The following C2orf76 variants were observed in gnomAD, a reference collection of about 807,000 sequenced individuals.
C2orf76 encodes chromosome 2 open reading frame 76.
C2orf76 carries 23 observed loss-of-function variants against 16.9 expected under a neutral mutation model. The ratio of observed to expected loss-of-function variants is 1.36; its 90% confidence interval spans 0.98 to 1.93. The LOEUF (loss-of-function observed/expected upper bound fraction) is 1.93, where lower values mean the gene tolerates loss of function less well. Among genes scored for constraint, C2orf76 ranks in the 30% most tolerant of loss-of-function variants. C2orf76 has a pLI of 0.00. For missense variants in C2orf76, 152 were observed against 152.6 expected, an observed-to-expected ratio of 1.00 and a Z score of 0.02; for synonymous variants, 48 against 52.3, an observed-to-expected ratio of 0.92 and a Z score of 0.35.
chr2:119,344,420 A>G (rs1408386132), intron 1 of C2orf76, among the ~76,000 whole-genome samples: 1 of 152,252 alleles, frequency 6.6e-6, no homozygotes, highest in African/African-American at 2.4e-5. Context: ...AATAAACTTC[A>G]GGATAAATTA....
At chr2:119,353,270 T>C (rs1045921953) in intron 1 of C2orf76, among the ~76,000 whole-genome samples, 3 of 152,204 alleles carry the variant, frequency 2.0e-5, no homozygotes, top group Admixed American at 2.0e-4. Flanking sequence ...AGTAGATGAA[T>C]GATAAATGCT....
At chr2:119,356,181 T>A (rs1680565223) in intron 1 of C2orf76, among the ~76,000 whole-genome samples, 1 of 152,032 alleles carries the variant, frequency 6.6e-6, no homozygotes, top group Admixed American at 6.6e-5. Flanking sequence ...GGTGGGCAGA[T>A]CACTTGAGGT....
chr2:119,327,090 T>A (rs920403318), intron 2 of C2orf76, among the ~76,000 whole-genome samples: 1 of 152,182 alleles, frequency 6.6e-6, no homozygotes, highest in African/African-American at 2.4e-5. Flanking sequence ...TCCAGTACAA[T>A]GTTGAATAGC....
chr2:119,367,012 T>A (rs756913547), upstream of C2orf76: 28 of 1,613,664 alleles, frequency 1.7e-5, no homozygotes, highest in African/African-American at 1.3e-5. Flanking sequence ...GGTCCTCGCC[T>A]CCTCCGCTGT....
At chr2:119,294,846 G>A in the C2orf76 span, among the ~76,000 whole-genome samples, 1 of 152,122 alleles carries the variant, frequency 6.6e-6, no homozygotes, top group South Asian at 2.1e-4. Flanking sequence ...GGCGGAGCGC[G>A]GCAGGGTTAG....
chr2:119,310,114 T>A (rs1239820594), intron 5 of C2orf76, among the ~76,000 whole-genome samples: 1 of 152,218 alleles, frequency 6.6e-6, no homozygotes, highest in Non-Finnish European at 1.5e-5. Context: ...TGTGAAATAT[T>A]ACCCTTTTTT....
intron 2 of C2orf76, among the ~76,000 whole-genome samples, chr2:119,337,330 C>T (rs1679882663): frequency 1.3e-5 from 2 of 151,970 alleles, no homozygotes; most frequent in Admixed American, 1.3e-4. Context: ...CTTAGCCTCC[C>T]AAATTGCTGG....
chr2:119,306,762 G>C (rs533487366), intron 5 of C2orf76, among the ~76,000 whole-genome samples: 1 of 120,932 alleles, frequency 8.3e-6, no homozygotes, highest in African/African-American at 3.3e-5. Flanking sequence ...TTTGAAGTAC[G>C]TATTTTCGTA....
chr2:119,285,866 GATGCAAGA>G, the C2orf76 span, among the ~76,000 whole-genome samples: 2 of 152,134 alleles, frequency 1.3e-5, no homozygotes. Context: ...AGGCCATGGA[GATGCAAGA>G]GTAAGCCTGA....
At chr2:119,283,155 CTCCCTGG>C in the C2orf76 span, among the ~76,000 whole-genome samples, 4 of 152,234 alleles carry the variant, frequency 2.6e-5, no homozygotes, top group Non-Finnish European at 4.4e-5. Context: ...TGGTGAACAT[CTCCCTGG>C]AGGCTTTGGG....
intron 1 of C2orf76, among the ~76,000 whole-genome samples, chr2:119,360,577 A>G (rs1680714716): frequency 6.6e-6 from 1 of 151,832 alleles, no homozygotes; most frequent in African/African-American, 2.4e-5. Flanking sequence ...CATAACTTGT[A>G]TATGCACTGG....
At chr2:119,316,657 A>C (rs1679181968) in intron 4 of C2orf76, among the ~76,000 whole-genome samples, 1 of 152,136 alleles carries the variant, frequency 6.6e-6, no homozygotes, top group African/African-American at 2.4e-5. Flanking sequence ...TGAATTAATA[A>C]ATACTTCATT....
intron 4 of C2orf76, among the ~76,000 whole-genome samples, chr2:119,315,344 T>C (rs1484258423): frequency 6.6e-6 from 1 of 152,152 alleles, no homozygotes; most frequent in Non-Finnish European, 1.5e-5. Context: ...GGAAAATGCC[T>C]TTTATGAATG....
At chr2:119,367,102 G>C (rs901624751), upstream of C2orf76, 2 of 1,612,318 alleles carry the variant, frequency 1.2e-6, no homozygotes, top group African/African-American at 2.7e-5. Context: ...TGCAGCGGGC[G>C]GGAGGCCCGT....
the C2orf76 span, among the ~76,000 whole-genome samples, chr2:119,294,133 G>A: frequency 2.0e-5 from 3 of 152,228 alleles, no homozygotes; most frequent in African/African-American, 7.2e-5. Flanking sequence ...TAAAGGATAA[G>A]GGATGAGGAA....
At chr2:119,294,781 C>T in the C2orf76 span, among the ~76,000 whole-genome samples, 2 of 152,142 alleles carry the variant, frequency 1.3e-5, no homozygotes, top group Non-Finnish European at 2.9e-5. Flanking sequence ...AGTCAGCACT[C>T]GCCCTCCACC....
At chr2:119,367,010 C>G, upstream of C2orf76, 1 of 1,613,600 alleles carries the variant, frequency 6.2e-7, no homozygotes, top group Non-Finnish European at 8.5e-7. Context: ...CTGGTCCTCG[C>G]CTCCTCCGCT....
At chr2:119,341,346 GAT>G (rs1238115000) in intron 1 of C2orf76, among the ~76,000 whole-genome samples, 2 of 152,096 alleles carry the variant, frequency 1.3e-5, no homozygotes, top group African/African-American at 4.8e-5. Context: ...TTACATGCCA[GAT>G]ACTACTCTAA....
intron 1 of C2orf76, among the ~76,000 whole-genome samples, chr2:119,362,183 C>A (rs906304875): frequency 6.6e-6 from 1 of 152,182 alleles, no homozygotes; most frequent in African/African-American, 2.4e-5. Context: ...ATTCTAGTAA[C>A]ATTCTTTTCT....
Sources: allele counts gnomAD v4.1 joint callset (sites outside exome capture counted in the v4.1 genomes callset), GRCh38; gene constraint gnomAD v4.1.1; transcripts MANE v1.5; gene names NCBI Gene and HGNC (gene_info 2026-07-23, HGNC 2026-07-21).